The following SYTL5 variants were observed in gnomAD, a reference collection of about 807,000 sequenced individuals.
SYTL5 encodes the protein synaptotagmin like 5.
In SYTL5, 34 loss-of-function variants were observed where a neutral mutation model predicts 55.9. The observed-to-expected ratio is 0.61, with a 90% CI of 0.46 to 0.81. The LOEUF (loss-of-function observed/expected upper bound fraction) is 0.81, where lower values mean the gene tolerates loss of function less well. Among genes scored for constraint, SYTL5 ranks in the 30% least tolerant of loss-of-function variants. SYTL5 has a pLI of 0.00. For synonymous variants in SYTL5, 221 were observed against 188.7 expected, an observed-to-expected ratio of 1.17 and a Z score of -1.40; for missense variants, 637 against 546.7, an observed-to-expected ratio of 1.17 and a Z score of -1.65.
rs150303272 is a variant in SYTL5 at position 38,086,448 on chromosome X, C to T, written c.690-2998C>T. On this transcript the variant is annotated intron_variant, in intron 6 of 16. Transcript: ENST00000297875. ...CTTTTTCCTAATCTGGAAAATGTGT[C>T]TTTCAGCAACCCAGAATATCCAAAC... Among the ~76,000 whole-genome samples the T allele has an allele frequency of 8.3e-3, 935 of 112,130 alleles. 5 individuals are homozygous for T. The highest frequency in any genetic ancestry group is 0.042 in the Middle Eastern group (9 of 214).
the SYTL5 span, among the ~76,000 whole-genome samples, chrX:37,902,666 C>A: frequency 9.0e-6 from 1 of 111,267 alleles, no homozygotes; most frequent in African/African-American, 3.3e-5. Flanking sequence ...TCTCTCCCTC[C>A]GCCAAAATAA....
chrX:38,010,105 T>C (rs73463440), intron 1 of SYTL5, among the ~76,000 whole-genome samples: 10,534 of 112,023 alleles, frequency 0.094, 849 homozygotes, highest in African/African-American at 0.24. Flanking sequence ...GAAAACTTAG[T>C]TAGCTTTCCT....
At chrX:38,107,389 C>T (rs1937247180) in intron 11 of SYTL5, among the ~76,000 whole-genome samples, 1 of 111,867 alleles carries the variant, frequency 8.9e-6, no homozygotes, top group Non-Finnish European at 1.9e-5. Context: ...AGTGGAGTCA[C>T]ATAGGATGCA....
intron 1 of SYTL5, chrX:38,024,032 ACT>A (rs1348155931): frequency 3.8e-5 from 4 of 105,432 alleles, no homozygotes; most frequent in African/African-American, 1.4e-4. Context: ...GACATTAAAG[ACT>A]CTGAGAAGTT....
At chrX:37,942,776 A>G in the SYTL5 span, among the ~76,000 whole-genome samples, 1 of 111,820 alleles carries the variant, frequency 8.9e-6, no homozygotes, top group Non-Finnish European at 1.9e-5. Context: ...CCAGTACCAC[A>G]AACTTACAAC....
At chrX:38,001,120 C>T in the SYTL5 span, among the ~76,000 whole-genome samples, 1 of 110,704 alleles carries the variant, frequency 9.0e-6, no homozygotes, top group African/African-American at 3.3e-5. Flanking sequence ...AGGGGTGGAG[C>T]CCTAGCCACA....
At chrX:37,931,996 AGGATTTGCAAACTG>A in the SYTL5 span, among the ~76,000 whole-genome samples, 1 of 112,112 alleles carries the variant, frequency 8.9e-6, no homozygotes, top group Non-Finnish European at 1.9e-5. Flanking sequence ...ATAGAATAAT[AGGATTTGCAAACTG>A]GTCTTAAAGA....
chrX:37,929,757 G>T, the SYTL5 span, among the ~76,000 whole-genome samples: 1 of 112,097 alleles, frequency 8.9e-6, no homozygotes, highest in Non-Finnish European at 1.9e-5. Context: ...AAGCTGGAAT[G>T]CCAGAGTTGC....
intron 2 of SYTL5, among the ~76,000 whole-genome samples, chrX:38,038,457 T>C (rs1935181139): frequency 8.9e-6 from 1 of 112,157 alleles, no homozygotes; most frequent in South Asian, 3.7e-4. Context: ...TACAAGAAAT[T>C]TAGATGGGTA....
intron 3 of SYTL5, among the ~76,000 whole-genome samples, chrX:38,070,062 C>T (rs1311824158): frequency 9.0e-6 from 1 of 111,590 alleles, no homozygotes; most frequent in Non-Finnish European, 1.9e-5. Context: ...AAACTATGGT[C>T]TTACCTTTCA....
At chrX:37,903,980 G>A in the SYTL5 span, among the ~76,000 whole-genome samples, 1 of 111,191 alleles carries the variant, frequency 9.0e-6, no homozygotes, top group Non-Finnish European at 1.9e-5. Flanking sequence ...TCAGTCTGTG[G>A]CATTCTTGAT....
At chrX:37,963,530 C>T in the SYTL5 span, among the ~76,000 whole-genome samples, 18 of 111,479 alleles carry the variant, frequency 1.6e-4, no homozygotes, top group Admixed American at 1.3e-3. Context: ...CCTCATGATC[C>T]GCCTGCCCCG....
the SYTL5 span, among the ~76,000 whole-genome samples, chrX:37,894,766 T>C: frequency 1.0e-4 from 11 of 108,579 alleles, no homozygotes; most frequent in East Asian, 1.2e-3. Flanking sequence ...AGCAAATACA[T>C]TGAAGGCCTG....
chrX:37,938,542 T>C, the SYTL5 span, among the ~76,000 whole-genome samples: 1 of 112,355 alleles, frequency 8.9e-6, no homozygotes, highest in Non-Finnish European at 1.9e-5. Flanking sequence ...GAGCTGAGGA[T>C]GATCCCTAAC....
chrX:38,047,823 CAT>C lies in SYTL5; in HGVS notation c.120-6389_120-6388del, dbSNP rs903307361. Among the ~76,000 whole-genome samples, 6 of 111,501 alleles carry C rather than the reference CAT, an allele frequency of 5.4e-5. No homozygotes were observed. The Admixed American group carries it at 5.7e-4, about 11-fold the overall frequency. On this transcript the variant is annotated intron_variant, in intron 2 of 16. Coordinates refer to ENST00000297875, the MANE Select transcript of SYTL5 (RefSeq NM_138780.3). ...ATTTCTTCCCCCAGATACTGTAAATCATCTCTCTCAAGTTCAAAATTCCACAC... is the reference window on the plus strand; with the variant it reads ...ATTTCTTCCCCCAGATACTGTAAATCCTCTCTCAAGTTCAAAATTCCACAC...
chrX:37,939,175 C>A, the SYTL5 span, among the ~76,000 whole-genome samples: 1 of 108,452 alleles, frequency 9.2e-6, no homozygotes, highest in Non-Finnish European at 1.9e-5. Flanking sequence ...GCAGGAGAAT[C>A]ACTTGAACTT....
the SYTL5 span, among the ~76,000 whole-genome samples, chrX:37,941,381 T>C: frequency 9.0e-6 from 1 of 111,718 alleles, no homozygotes; most frequent in Non-Finnish European, 1.9e-5. Flanking sequence ...GACGTTAACA[T>C]AATAATGATG....
chrX:37,951,629 G>A, the SYTL5 span, among the ~76,000 whole-genome samples: 1 of 110,995 alleles, frequency 9.0e-6, no homozygotes, highest in Non-Finnish European at 1.9e-5. Context: ...ACTGGGTTAA[G>A]GAGAGGCCCA....
the SYTL5 span, among the ~76,000 whole-genome samples, chrX:37,928,659 G>A: frequency 8.9e-6 from 1 of 112,008 alleles, no homozygotes; most frequent in African/African-American, 3.2e-5. Flanking sequence ...TCATAGGATT[G>A]TATAAGACAT....
Sources: gnomAD v4.1 joint callset for allele counts (sites outside exome capture counted in the v4.1 genomes callset) on GRCh38, gnomAD v4.1.1 for gene constraint, MANE v1.5 for transcripts, NCBI Gene and HGNC (gene_info 2026-07-23, HGNC 2026-07-21) for gene names.